POU6F2: variants seen among roughly 807,000 people sequenced by gnomAD.
POU6F2 encodes POU domain, class 6, transcription factor 2.
POU6F2 carries 31 observed loss-of-function variants against 71.3 expected under a neutral mutation model. The ratio of observed to expected loss-of-function variants is 0.43; its 90% CI spans 0.33 to 0.59. The LOEUF is 0.59. Ranked by LOEUF, POU6F2 falls within the 20% of genes least tolerant of loss-of-function variation. The pLI, the probability that POU6F2 is intolerant of heterozygous loss-of-function variation, is 0.04. For synonymous variants in POU6F2, 347 were observed against 355.7 expected (o/e 0.98, Z 0.27); for missense variants, 783 against 856.8 (o/e 0.91, Z 1.07).
chr7:39,385,622 C>A (rs926420400), intron 5 of POU6F2, among the ~76,000 whole-genome samples: 1 of 152,182 alleles, frequency 6.6e-6, no homozygotes, highest in Non-Finnish European at 1.5e-5. Context: ...TTTTATCACT[C>A]CCCATTGAGA....
chr7:39,326,765 C>T (rs1452491446), intron 4 of POU6F2, among the ~76,000 whole-genome samples: 1 of 152,232 alleles, frequency 6.6e-6, no homozygotes, highest in South Asian at 2.1e-4. Flanking sequence ...ATTCGAGGAG[C>T]AGAATTTTCA....
At chr7:39,387,335 GT>G (rs1786967519) in intron 5 of POU6F2, among the ~76,000 whole-genome samples, 2 of 152,190 alleles carry the variant, frequency 1.3e-5, no homozygotes, top group South Asian at 2.1e-4. Flanking sequence ...CCTCCTAAGA[GT>G]TTTTTGTCTA....
At chr7:39,091,898 TTTGA>T (rs1348407319) in intron 2 of POU6F2, among the ~76,000 whole-genome samples, 8 of 152,234 alleles carry the variant, frequency 5.3e-5, no homozygotes, top group Admixed American at 1.3e-4. Context: ...TGGCACTTTC[TTTGA>T]TTGACGACCT....
At chr7:39,173,925 T>C (rs1793276698) in intron 2 of POU6F2, among the ~76,000 whole-genome samples, 3 of 152,240 alleles carry the variant, frequency 2.0e-5, no homozygotes, top group Admixed American at 1.3e-4. Context: ...TTAGGGCTAT[T>C]CTACCTGTCT....
chr7:39,207,925 G>A (rs1471035671), intron 4 of POU6F2, among the ~76,000 whole-genome samples: 1 of 152,166 alleles, frequency 6.6e-6, no homozygotes, highest in Admixed American at 6.5e-5. Flanking sequence ...AAATTCCTGT[G>A]TTGTTATTTG....
At chr7:39,058,942 A>G (rs1303690329) in intron 1 of POU6F2, among the ~76,000 whole-genome samples, 1 of 152,226 alleles carries the variant, frequency 6.6e-6, no homozygotes, top group Non-Finnish European at 1.5e-5. Flanking sequence ...AACAACCTGG[A>G]TTGTATGAAG....
chr7:39,070,016 T>G (rs1790843787), intron 1 of POU6F2, among the ~76,000 whole-genome samples: 1 of 152,132 alleles, frequency 6.6e-6, no homozygotes, highest in South Asian at 2.1e-4. Context: ...AGAACAGACT[T>G]CAGTGATGTT....
At chr7:39,294,444 G>A (rs1006667563) in intron 4 of POU6F2, among the ~76,000 whole-genome samples, 2 of 151,204 alleles carry the variant, frequency 1.3e-5, no homozygotes, top group African/African-American at 2.4e-5. Flanking sequence ...AATAAAAAGA[G>A]TTACTTTGGA....
chr7:39,289,064 A>G (rs192517410), intron 4 of POU6F2, among the ~76,000 whole-genome samples: 1 of 152,224 alleles, frequency 6.6e-6, no homozygotes, highest in East Asian at 1.9e-4. Context: ...TTTCAGGAGA[A>G]CATCTTGAAA....
chr7:38,985,900 T>C (rs541377588), intron 1 of POU6F2, among the ~76,000 whole-genome samples: 1 of 152,260 alleles, frequency 6.6e-6, no homozygotes, highest in African/African-American at 2.4e-5. Flanking sequence ...CTAGGTAATA[T>C]ATTAATCCTC....
At chr7:39,005,588 C>G (rs1053850294) in intron 1 of POU6F2, among the ~76,000 whole-genome samples, 1 of 150,122 alleles carries the variant, frequency 6.7e-6, no homozygotes, top group East Asian at 2.0e-4. Context: ...GGTTGATAGC[C>G]GCACGCTATC....
chr7:39,388,401 T>G (rs1434324341), intron 5 of POU6F2, among the ~76,000 whole-genome samples: 6 of 152,304 alleles, frequency 3.9e-5, no homozygotes, highest in South Asian at 2.1e-4. Flanking sequence ...CTGCAACCTT[T>G]GCCTCCTGGA....
chr7:39,329,581 T>C (rs1785594740), intron 4 of POU6F2, among the ~76,000 whole-genome samples: 1 of 152,196 alleles, frequency 6.6e-6, no homozygotes, highest in African/African-American at 2.4e-5. Flanking sequence ...CTGGAATCAA[T>C]GATTCACTGG....
chr7:39,367,909 G>A (rs1461058395), intron 5 of POU6F2, among the ~76,000 whole-genome samples: 1 of 152,080 alleles, frequency 6.6e-6, no homozygotes, highest in Non-Finnish European at 1.5e-5. Context: ...GGGGTGCTAC[G>A]TATCATACCC....
At chr7:39,274,138 T>C (rs965104009) in intron 4 of POU6F2, among the ~76,000 whole-genome samples, 1 of 152,110 alleles carries the variant, frequency 6.6e-6, no homozygotes, top group African/African-American at 2.4e-5. Context: ...AAAAATTCTC[T>C]TTCAAGACCG....
In POU6F2 at chr7:39,207,442, G is replaced by C. The variant is rs776845454; in HGVS notation, c.420G>C (p.Pro140=). The C allele has an allele frequency of 6.2e-7, 1 of 1,613,780 alleles. No individual in the cohort carries two copies. The highest frequency in any genetic ancestry group is 8.5e-7 in the Non-Finnish European group (1 of 1,179,862). The change falls in exon 4 of 10, where the codon CCG becomes CCC. Residue 140 remains proline, a synonymous_variant. Transcript: ENST00000518318. The stretch of plus-strand genomic sequence containing the variant: ...CTTCTGCTGTGGCCGGCGTGATGCC[G>C]GGAGGCCCCCCAGCCCTCAACCAGC... ...QLASAVAGVM[P]GGPPALNQPI... is the part of the protein sequence containing the mutation.
At chr7:39,443,330 T>C (rs1292181237) in intron 7 of POU6F2, among the ~76,000 whole-genome samples, 1 of 152,136 alleles carries the variant, frequency 6.6e-6, no homozygotes. Flanking sequence ...CCAGTACACA[T>C]ATGTGCACCT....
intron 2 of POU6F2, among the ~76,000 whole-genome samples, chr7:39,095,734 T>C (rs1033319361): frequency 1.3e-5 from 2 of 152,238 alleles, no homozygotes; most frequent in Middle Eastern, 3.4e-3. Context: ...AGGAACATCA[T>C]TAAACTTTTA....
intron 2 of POU6F2, among the ~76,000 whole-genome samples, chr7:39,157,067 A>G (rs1284023148): frequency 6.6e-6 from 1 of 152,160 alleles, no homozygotes; most frequent in Non-Finnish European, 1.5e-5. Context: ...TAATCTGTGA[A>G]TATTGTGTTT....
Sources: allele counts gnomAD v4.1 joint callset (sites outside exome capture counted in the v4.1 genomes callset), GRCh38; gene constraint gnomAD v4.1.1; transcripts MANE v1.5; gene names NCBI Gene and HGNC (gene_info 2026-07-23, HGNC 2026-07-21).